Variants in ATP1A2 observed in about 807,000 individuals in gnomAD.
ATP1A2 encodes sodium/potassium-transporting ATPase subunit alpha-2.
In ATP1A2, 56 loss-of-function variants were observed where a neutral mutation model predicts 113.1. That is an observed-to-expected ratio of 0.49 (90% CI 0.40 to 0.62). The LOEUF is 0.62. Among genes scored for constraint, ATP1A2 ranks in the 20% least tolerant of loss-of-function variants. ATP1A2 has a pLI of 0.00. For synonymous variants in ATP1A2, 490 were observed against 526.8 expected (o/e 0.93, Z 0.96); for missense variants, 712 against 1,357.8 (o/e 0.52, Z 7.47).
At chr1:160,136,407 C>A in intron 18 of ATP1A2, 37 bp downstream of exon 18, 1 of 1,613,402 alleles carries the variant, frequency 6.2e-7, no homozygotes, top group Non-Finnish European at 8.5e-7. Context: ...GGAACCCCAA[C>A]AGGGTTCTTT....
intron 6 of ATP1A2, among the ~76,000 whole-genome samples, chr1:160,124,754 GC>G (rs1651532259): frequency 6.6e-6 from 1 of 152,208 alleles, no homozygotes; most frequent in African/African-American, 2.4e-5. Flanking sequence ...GTGTAATCAT[GC>G]AGGGCTGCTG....
At chr1:160,120,813 A>C (rs1570982829) in intron 1 of ATP1A2, 93 bp from the exon 2 acceptor site, 2 of 1,313,746 alleles carry the variant, frequency 1.5e-6, no homozygotes, top group Non-Finnish European at 2.1e-6. Context: ...TTGAACACAC[A>C]CCCCCACTGC....
At position 160,130,516 on chromosome 1, in the gene ATP1A2, T is replaced by C. The variant is rs749296766; in HGVS notation, c.1746T>C (p.Phe582=). The C allele has an allele frequency of 6.2e-7, 1 of 1,614,214 alleles. No individual in the cohort carries two copies. Among genetic ancestry groups the C allele is most frequent in the South Asian group, 1.1e-5 (1 of 91,076 alleles). Residue 582 remains phenylalanine, a synonymous_variant, in exon 13 of 23, where the codon TTT becomes TTC. Transcript: ENST00000361216. ...ELNFPTEKLC[F]VGLMSMIDPP... Reference sequence around the variant, plus strand: ...ACTTTCCCACGGAGAAGCTTTGCTTTGTGGGGCTCATGTCTATGATTGACC... The same window carrying C: ...ACTTTCCCACGGAGAAGCTTTGCTTCGTGGGGCTCATGTCTATGATTGACC...
chr1:160,118,843 A>G (rs935804577), intron 1 of ATP1A2, among the ~76,000 whole-genome samples: 6 of 152,024 alleles, frequency 3.9e-5, no homozygotes, highest in Non-Finnish European at 7.4e-5. Context: ...CCTCTTATGA[A>G]CAAGGCAGCT....
chr1:160,138,044 T>G (rs911254613), intron 20 of ATP1A2, among the ~76,000 whole-genome samples: 2 of 152,184 alleles, frequency 1.3e-5, no homozygotes, highest in Non-Finnish European at 2.9e-5. Flanking sequence ...TGCTATGCAC[T>G]GCAGGGATGA....
chr1:160,134,213 C>T (rs1196552960), intron 13 of ATP1A2, among the ~76,000 whole-genome samples: 1 of 85,480 alleles, frequency 1.2e-5, no homozygotes, highest in Non-Finnish European at 2.7e-5. Context: ...TCCCCACCCC[C>T]TCACACACAC....
intron 2 of ATP1A2, 83 bp downstream of exon 2, chr1:160,121,093 G>T: frequency 1.2e-6 from 2 of 1,602,304 alleles, no homozygotes; most frequent in East Asian, 2.2e-5. Context: ...GAGAAACTCC[G>T]TGTCCCCCAT....
intron 1 of ATP1A2, among the ~76,000 whole-genome samples, chr1:160,119,901 G>A (rs1651327968): frequency 6.6e-6 from 1 of 151,684 alleles, no homozygotes; most frequent in Non-Finnish European, 1.5e-5. Flanking sequence ...GCATGCTTGT[G>A]GCCCCAGCTA....
rs776086125 is a variant in ATP1A2, at chr1:160,129,048, G to A, written c.1285G>A (p.Ala429Thr). Residue 429 changes from alanine (A) to threonine (T), a missense_variant, in exon 10 of 23, where the codon GCC (alanine) becomes ACC (threonine). Ala to Thr is a moderately conservative substitution (Grantham distance 58). Transcript: ENST00000361216. ...TCGAATTGCTGGTCTCTGCAACCGC[G>A]CCGTCTTCAAGGCAGGACAGGAGAA... is the stretch of plus-strand genomic sequence containing the variant. ...LSRIAGLCNRAVFKAGQENIS... is the reference protein window; with the variant it reads ...LSRIAGLCNRTVFKAGQENIS... The A allele has an allele frequency of 3.7e-6, 6 of 1,612,516 alleles. No homozygotes were observed. In the African/African-American group the frequency reaches 5.3e-5, roughly 14 times the overall value.
At position 160,135,677 on chromosome 1, in the gene ATP1A2, C is replaced by T; in HGVS notation, c.2284+75C>T. 7 of 1,611,594 alleles carry T rather than the reference C, an allele frequency of 4.3e-6. No individual in the cohort carries two copies. The South Asian group carries it at 6.6e-5, about 15-fold the overall frequency. ...ACCTCTGTTCCCTGTCCCTTTACCC[C>T]AGTTGAAGAATCATTCCACAACTCT... On this transcript the variant is annotated intron_variant, in intron 16 of 22. Coordinates refer to ENST00000361216, the MANE Select transcript of ATP1A2 (RefSeq NM_000702.4). This position sits in a 1 kb window ranked among gnomAD's most constrained non-coding sequence, Gnocchi z 6.3.
chr1:160,125,382 C>T (rs1473357884), intron 7 of ATP1A2, 129 bp downstream of exon 7: 1 of 847,724 alleles, frequency 1.2e-6, no homozygotes, highest in Non-Finnish European at 1.9e-6. Context: ...GGTCAGGGGG[C>T]CCTGAATATT....
intron 21 of ATP1A2, 71 bp downstream of exon 21, chr1:160,139,812 T>C: frequency 1.2e-6 from 2 of 1,611,112 alleles, no homozygotes; most frequent in Non-Finnish European, 1.7e-6. Flanking sequence ...ATCCAAGTTC[T>C]GATCGCTTTG....
At chr1:160,136,141 G>C in intron 17 of ATP1A2, 106 bp from the exon 18 acceptor site, 1 of 1,601,078 alleles carries the variant, frequency 6.2e-7, no homozygotes, top group South Asian at 1.1e-5. Context: ...CTGAATACAC[G>C]CTTTTTTAAC....
chr1:160,129,540 A>G (rs541398182), intron 11 of ATP1A2, 140 bp downstream of exon 11: 224 of 1,307,700 alleles, frequency 1.7e-4, no homozygotes, highest in Non-Finnish European at 2.3e-4. Flanking sequence ...CCCCCAGGAC[A>G]GCTCATATGA....
chr1:160,128,128 CACTA>C (rs1651643660), intron 8 of ATP1A2, among the ~76,000 whole-genome samples: 1 of 152,212 alleles, frequency 6.6e-6, no homozygotes, highest in African/African-American at 2.4e-5. Flanking sequence ...GGTCACCAGT[CACTA>C]ACTAGCAAAT....
rs767929498 is a variant in ATP1A2 at position 160,125,256 on chromosome 1, G to A, written c.748+3G>A. The A allele has an allele frequency of 2.5e-6, 4 of 1,611,320 alleles. No homozygotes were observed. Among genetic ancestry groups the A allele is most frequent in the Non-Finnish European group, 2.5e-6 (3 of 1,177,540 alleles). Reference sequence around the variant, plus strand: ...CTTCTCCACCAACTGTGTTGAAGGTGAGAAGCCAGGCTGCCCCCTGTAGGA... The same window carrying A: ...CTTCTCCACCAACTGTGTTGAAGGTAAGAAGCCAGGCTGCCCCCTGTAGGA... On this transcript the variant is annotated splice_donor_region_variant and intron_variant, in intron 7 of 22. Coordinates refer to ENST00000361216, the MANE Select transcript of ATP1A2 (RefSeq NM_000702.4).
Position 160,123,203 on chromosome 1 carries a change from G to A in ATP1A2, c.178-10G>A. 1 of 1,614,014 alleles carries A rather than the reference G, an allele frequency of 6.2e-7. No individual in the cohort carries two copies. Among genetic ancestry groups the A allele is most frequent in the Non-Finnish European group, 8.5e-7 (1 of 1,180,014 alleles). ...GATGCGTGCCCCTACGCCTCTCCTT[G>A]CTCCCTCAGGGCCTCACCAACCAGC... On this transcript the variant is annotated splice_polypyrimidine_tract_variant and intron_variant, in intron 3 of 22. Coordinates refer to ENST00000361216, the MANE Select transcript of ATP1A2 (RefSeq NM_000702.4).
chr1:160,129,520 C>A, intron 11 of ATP1A2, 120 bp downstream of exon 11: 1 of 1,461,150 alleles, frequency 6.8e-7, no homozygotes, highest in Non-Finnish European at 9.4e-7. Context: ...GTTCCCTCCC[C>A]CTGCTAAGTC....
At chr1:160,141,213 G>T in intron 22 of ATP1A2, 81 bp from the exon 23 acceptor site, 2 of 1,577,974 alleles carry the variant, frequency 1.3e-6, no homozygotes, top group Non-Finnish European at 1.7e-6. Context: ...CCTGGCTTCA[G>T]CGACCCAAGC....
Sources: allele counts gnomAD v4.1 joint callset (sites outside exome capture counted in the v4.1 genomes callset), GRCh38; gene constraint gnomAD v4.1.1; non-coding constraint Gnocchi (gnomAD v3.1); transcripts MANE v1.5; gene names NCBI Gene and HGNC (gene_info 2026-07-23, HGNC 2026-07-21).